The following MACROD2 variants were observed in gnomAD, a reference collection of about 807,000 sequenced individuals.
MACROD2 encodes the protein mono-ADP ribosylhydrolase 2.
In MACROD2, 36 loss-of-function variants were observed where a neutral mutation model predicts 70.4. The observed-to-expected ratio is 0.51, with a 90% CI of 0.39 to 0.68. MACROD2 has a LOEUF of 0.68. MACROD2 is among the 30% of genes least tolerant of loss of function. The pLI is 0.00. For synonymous variants in MACROD2, 172 were observed against 178.8 expected, an observed-to-expected ratio of 0.96 and a Z score of 0.30; for missense variants, 496 against 538.4, an observed-to-expected ratio of 0.92 and a Z score of 0.78.
At chr20:14,401,219 A>G (rs192313369) in intron 3 of MACROD2, among the ~76,000 whole-genome samples, 86 of 152,320 alleles carry the variant, frequency 5.6e-4, no homozygotes, top group African/African-American at 2.0e-3. Flanking sequence ...CAGTAGGTTG[A>G]TTCCATGTGT....
chr20:15,718,901 G>A (rs896953669), intron 8 of MACROD2, among the ~76,000 whole-genome samples: 37 of 152,180 alleles, frequency 2.4e-4, no homozygotes, highest in Non-Finnish European at 7.3e-5. Flanking sequence ...TGGATGTTAA[G>A]ATGGTGGTAT....
intron 4 of MACROD2, among the ~76,000 whole-genome samples, chr20:14,565,565 T>C (rs949210155): frequency 6.6e-6 from 1 of 151,824 alleles, no homozygotes; most frequent in African/African-American, 2.4e-5. Flanking sequence ...CTCTAGATTG[T>C]TGCATGTTTC....
chr20:14,179,742 T>A (rs925030965), intron 3 of MACROD2, among the ~76,000 whole-genome samples: 1 of 152,138 alleles, frequency 6.6e-6, no homozygotes, highest in African/African-American at 2.4e-5. Context: ...ATTTGAAGGA[T>A]TTATTGTTCT....
chr20:14,281,395 G>T (rs539893578), intron 3 of MACROD2, among the ~76,000 whole-genome samples: 2 of 152,332 alleles, frequency 1.3e-5, no homozygotes, highest in East Asian at 3.9e-4. Flanking sequence ...AAGTAGATTA[G>T]TTGGTGCCAG....
rs541353327 is a variant in MACROD2 at position 15,315,462 on chromosome 20, G to T, written c.540+85401G>T. Among the ~76,000 whole-genome samples, 27 of 152,300 alleles carry T rather than the reference G, an allele frequency of 1.8e-4. 3 individuals are homozygous for T. The highest frequency in any genetic ancestry group is 6.5e-4 in the African/African-American group (27 of 41,570). ...AAAAGCAACAAGGGAGCAGTGACTTGTGTCCAAGAGATGCTCAACAAGATT... is the reference window on the plus strand; with the variant it reads ...AAAAGCAACAAGGGAGCAGTGACTTTTGTCCAAGAGATGCTCAACAAGATT... On this transcript the variant is annotated intron_variant, in intron 6 of 17. Coordinates refer to ENST00000684519, the MANE Select transcript of MACROD2 (RefSeq NM_001351661.2).
intron 5 of MACROD2, among the ~76,000 whole-genome samples, chr20:15,009,858 A>G (rs949194561): frequency 1.3e-5 from 2 of 151,256 alleles, no homozygotes; most frequent in Non-Finnish European, 2.9e-5. Flanking sequence ...CTGCCTTCCA[A>G]CTAAATTTCA....
chr20:14,918,620 T>G (rs1245497432), intron 5 of MACROD2, among the ~76,000 whole-genome samples: 24 of 148,036 alleles, frequency 1.6e-4, no homozygotes, highest in African/African-American at 4.4e-4. Context: ...TTTTTTTGTT[T>G]TTTTTTTTTT....
At chr20:14,572,050 C>A (rs1413420607) in intron 4 of MACROD2, among the ~76,000 whole-genome samples, 3 of 151,956 alleles carry the variant, frequency 2.0e-5, no homozygotes, top group Non-Finnish European at 4.4e-5. Flanking sequence ...GCATAGGATC[C>A]CAGACCTCTT....
At chr20:15,452,624 C>T (rs769543261) in intron 7 of MACROD2, among the ~76,000 whole-genome samples, 5 of 152,218 alleles carry the variant, frequency 3.3e-5, no homozygotes, top group East Asian at 3.9e-4. Context: ...AGAATAATAA[C>T]GCTGCCTCTG....
At chr20:14,104,195 T>C (rs1198856176) in intron 3 of MACROD2, among the ~76,000 whole-genome samples, 1 of 152,224 alleles carries the variant, frequency 6.6e-6, no homozygotes, top group Non-Finnish European at 1.5e-5. Flanking sequence ...TTCAATGTTG[T>C]TTTAATTTCC....
intron 5 of MACROD2, among the ~76,000 whole-genome samples, chr20:15,094,575 A>G (rs942278396): frequency 1.3e-5 from 2 of 152,056 alleles, no homozygotes; most frequent in African/African-American, 4.8e-5. Flanking sequence ...CCACATAACT[A>G]TTTTATTTTG....
Position 15,539,861 on chromosome 20 carries a change from G to A in MACROD2, c.645+40014G>A, listed in dbSNP as rs139688588. Among the ~76,000 whole-genome samples the A allele has an allele frequency of 1.6e-3, 240 of 152,254 alleles. 1 individual carries two copies. The highest frequency in any genetic ancestry group is 5.5e-3 in the African/African-American group (229 of 41,560). On this transcript the variant is annotated intron_variant, in intron 8 of 17. Coordinates refer to ENST00000684519, the MANE Select transcript of MACROD2 (RefSeq NM_001351661.2). ...AAATTAGCCAGGCATGGTGGCAGGC[G>A]CCTGTAGTCCCAGCTACTTGGGAGA... is the stretch of plus-strand genomic sequence containing the variant.
chr20:14,313,432 CTTT>C (rs11478631), intron 3 of MACROD2, among the ~76,000 whole-genome samples: 130 of 133,012 alleles, frequency 9.8e-4, no homozygotes, highest in Non-Finnish European at 1.3e-3. Context: ...TTTCCCCCTC[CTTT>C]TTTTTTTTTT....
intron 2 of MACROD2, among the ~76,000 whole-genome samples, chr20:14,062,730 T>A (rs2053704914): frequency 6.6e-6 from 1 of 152,178 alleles, no homozygotes; most frequent in Non-Finnish European, 1.5e-5. Context: ...TGGTAGGATT[T>A]AGAGACTAGT....
intron 3 of MACROD2, among the ~76,000 whole-genome samples, chr20:14,356,338 A>G (rs2083171533): frequency 6.6e-6 from 1 of 152,060 alleles, no homozygotes. Context: ...TAGTGGTTTA[A>G]TCAGCTATCT....
intron 3 of MACROD2, among the ~76,000 whole-genome samples, chr20:14,128,922 A>T (rs560766262): frequency 1.3e-5 from 2 of 152,340 alleles, no homozygotes; most frequent in East Asian, 1.9e-4. Context: ...AGAAAAAAAG[A>T]TTCCTTTCAA....
At chr20:14,568,372 C>G (rs1348319717) in intron 4 of MACROD2, among the ~76,000 whole-genome samples, 1 of 151,866 alleles carries the variant, frequency 6.6e-6, no homozygotes, top group Non-Finnish European at 1.5e-5. Flanking sequence ...AATTTGTCGC[C>G]TTTATTTAGA....
At chr20:15,166,668 T>A (rs1020038424) in intron 5 of MACROD2, among the ~76,000 whole-genome samples, 1 of 151,876 alleles carries the variant, frequency 6.6e-6, no homozygotes, top group Non-Finnish European at 1.5e-5. Context: ...TTCAAACAAA[T>A]TACAGATAAA....
intron 3 of MACROD2, among the ~76,000 whole-genome samples, chr20:14,261,720 T>C (rs993827572): frequency 1.5e-5 from 2 of 129,306 alleles, no homozygotes; most frequent in Non-Finnish European, 3.8e-5. Flanking sequence ...TGAATGTCTT[T>C]TATGTGTCAG....
Sources: gnomAD v4.1 joint callset for allele counts (sites outside exome capture counted in the v4.1 genomes callset) on GRCh38, gnomAD v4.1.1 for gene constraint, MANE v1.5 for transcripts, NCBI Gene and HGNC (gene_info 2026-07-23, HGNC 2026-07-21) for gene names.